Variants in RNLS observed in about 807,000 individuals in gnomAD.
RNLS encodes the protein renalase, FAD dependent amine oxidase, also known as renalase.
A neutral mutation model predicts 39.8 loss-of-function variants in RNLS; 39 were observed. The observed-to-expected ratio is 0.98, with a 90% CI of 0.76 to 1.28. RNLS has a LOEUF of 1.28. Ranked by LOEUF, RNLS falls within the 50% of genes most tolerant of loss-of-function variation. The probability of loss-of-function intolerance (pLI) is 0.00; values close to 1 mark genes in which losing one functional copy is unlikely to be tolerated. For missense variants in RNLS, 410 were observed against 413.3 expected (o/e 0.99, Z 0.07); for synonymous variants, 147 against 150.7 (o/e 0.98, Z 0.18).
intron 6 of RNLS, among the ~76,000 whole-genome samples, chr10:88,290,744 T>C (rs1034202378): frequency 7.9e-5 from 12 of 152,204 alleles, no homozygotes; most frequent in Non-Finnish European, 1.5e-4. Flanking sequence ...CATGCTGATG[T>C]CTGATATCCA....
rs1024821120 is a variant in RNLS, at chr10:88,484,622, G to GA, written c.526+88280dup. ...TGAGAAGAGTAAGTGCCACAAGACA[G>GA]AAAAATGGAAGAAGAGAAAAAACAA... On this transcript the variant is annotated intron_variant, in intron 4 of 6. Coordinates refer to ENST00000331772, the MANE Select transcript of RNLS (RefSeq NM_001031709.3). Among the ~76,000 whole-genome samples, 7 of 152,024 alleles carry GA rather than the reference G, an allele frequency of 4.6e-5. 1 individual carries two copies. The highest frequency in any genetic ancestry group is 9.6e-5 in the African/African-American group (4 of 41,540).
intron 5 of RNLS, among the ~76,000 whole-genome samples, chr10:88,334,894 C>G (rs1384904709): frequency 1.3e-5 from 2 of 152,086 alleles, no homozygotes; most frequent in African/African-American, 4.8e-5. Flanking sequence ...GTTGATAACT[C>G]TTGTCCCAGA....
the RNLS span, among the ~76,000 whole-genome samples, chr10:88,196,318 G>A: frequency 2.0e-5 from 3 of 152,202 alleles, no homozygotes; most frequent in Non-Finnish European, 2.9e-5. Flanking sequence ...CTGGCAAATC[G>A]TTTGAAAGTC....
rs140248925 is a variant in RNLS, at chr10:88,375,189, A to G, written c.527-12464T>C. Among the ~76,000 whole-genome samples the G allele has an allele frequency of 2.2e-3, 330 of 152,196 alleles. 2 individuals are homozygous for G. Among genetic ancestry groups the G allele is most frequent in the African/African-American group, 7.3e-3 (303 of 41,546 alleles). On this transcript the variant is annotated intron_variant, in intron 4 of 6. Transcript: ENST00000331772. ...GAACAAGACACCAACTTCTACCACA[A>G]CAACAGAACAAAACAACCCCTAGCT...
chr10:88,476,793 T>C (rs957167315), intron 4 of RNLS, among the ~76,000 whole-genome samples: 1 of 152,088 alleles, frequency 6.6e-6, no homozygotes, highest in Admixed American at 6.6e-5. Flanking sequence ...CATGAAAGGG[T>C]TGAGAGGTAG....
intron 4 of RNLS, among the ~76,000 whole-genome samples, chr10:88,408,825 GACCT>G: frequency 6.6e-6 from 1 of 152,100 alleles, no homozygotes; most frequent in African/African-American, 2.4e-5. Flanking sequence ...TCTTAGTGGA[GACCT>G]ATTTCTGAAA....
intron 4 of RNLS, among the ~76,000 whole-genome samples, chr10:88,404,476 C>T (rs980125224): frequency 2.6e-5 from 4 of 151,992 alleles, no homozygotes; most frequent in African/African-American, 9.7e-5. Flanking sequence ...ATGGGATTTT[C>T]CTAACGTCAA....
the RNLS span, among the ~76,000 whole-genome samples, chr10:88,230,312 C>T: frequency 6.6e-6 from 1 of 152,056 alleles, no homozygotes; most frequent in Non-Finnish European, 1.5e-5. Context: ...AGTTCTGAAA[C>T]TTTGTCTTTT....
chr10:88,400,061 C>T (rs1471299120), intron 4 of RNLS, among the ~76,000 whole-genome samples: 1 of 151,966 alleles, frequency 6.6e-6, no homozygotes, highest in African/African-American at 2.4e-5. Flanking sequence ...TTGCCACTCT[C>T]TTATAGGGAC....
chr10:88,235,222 T>G, the RNLS span, among the ~76,000 whole-genome samples: 5 of 133,490 alleles, frequency 3.7e-5, no homozygotes, highest in African/African-American at 5.6e-5. Flanking sequence ...GAGCCGAGAT[T>G]GCGCCACTGC....
At chr10:88,178,620 G>A in the RNLS span, among the ~76,000 whole-genome samples, 2 of 152,200 alleles carry the variant, frequency 1.3e-5, no homozygotes, top group African/African-American at 4.8e-5. Context: ...CCATGCCTTA[G>A]AGGGTCTTTG....
chr10:88,511,536 A>G (rs1284954416), intron 4 of RNLS, among the ~76,000 whole-genome samples: 3 of 152,134 alleles, frequency 2.0e-5, no homozygotes, highest in African/African-American at 4.8e-5. Context: ...TTGGGACTTA[A>G]TGTCCTGAAA....
chr10:88,500,295 G>A (rs1845402016), intron 4 of RNLS, among the ~76,000 whole-genome samples: 1 of 152,136 alleles, frequency 6.6e-6, no homozygotes, highest in Non-Finnish European at 1.5e-5. Flanking sequence ...GTATTCAGGA[G>A]AGCCATATGA....
chr10:88,550,853 T>C lies in RNLS; in HGVS notation c.526+22050A>G, dbSNP rs138257191. Among the ~76,000 whole-genome samples the C allele has an allele frequency of 1.4e-3, 208 of 152,306 alleles. 3 individuals are homozygous for C. The highest frequency in any genetic ancestry group is 0.01 in the Middle Eastern group (3 of 294). On this transcript the variant is annotated intron_variant, in intron 4 of 6. Coordinates refer to ENST00000331772, the MANE Select transcript of RNLS (RefSeq NM_001031709.3). ...TTAGATTGAGAAGGGATCTTAGAGATCTAGGGTTCAATGGTCTCATTTTAC... is the reference window on the plus strand; with the variant it reads ...TTAGATTGAGAAGGGATCTTAGAGACCTAGGGTTCAATGGTCTCATTTTAC...
intron 5 of RNLS, among the ~76,000 whole-genome samples, chr10:88,359,657 C>T (rs774573819): frequency 1.2e-4 from 18 of 152,210 alleles, no homozygotes; most frequent in Non-Finnish European, 2.5e-4. Flanking sequence ...CATGTAGCCA[C>T]TCCTTTCAAT....
chr10:88,491,470 C>T (rs1844873925), intron 4 of RNLS, among the ~76,000 whole-genome samples: 1 of 151,992 alleles, frequency 6.6e-6, no homozygotes, highest in African/African-American at 2.4e-5. Flanking sequence ...AAAAACTAGG[C>T]CTAAAAATAT....
chr10:88,345,149 A>C (rs1463325577), intron 5 of RNLS, among the ~76,000 whole-genome samples: 1 of 152,150 alleles, frequency 6.6e-6, no homozygotes, highest in African/African-American at 2.4e-5. Flanking sequence ...TCTGGGCAAA[A>C]AGATGGATTG....
At chr10:88,527,776 T>C (rs1009503934) in intron 4 of RNLS, among the ~76,000 whole-genome samples, 1 of 150,330 alleles carries the variant, frequency 6.7e-6, no homozygotes, top group Non-Finnish European at 1.5e-5. Flanking sequence ...GAAGAAAATC[T>C]GCAACACCAA....
chr10:88,313,270 T>C (rs1457915018), intron 6 of RNLS, among the ~76,000 whole-genome samples: 1 of 152,208 alleles, frequency 6.6e-6, no homozygotes, highest in Non-Finnish European at 1.5e-5. Flanking sequence ...TAAACGAATG[T>C]TTCTTTTAAA....
Sources: allele counts gnomAD v4.1 joint callset (sites outside exome capture counted in the v4.1 genomes callset), GRCh38; gene constraint gnomAD v4.1.1; transcripts MANE v1.5; gene names NCBI Gene and HGNC (gene_info 2026-07-23, HGNC 2026-07-21).